Variants in ARHGAP31 observed in about 807,000 individuals in gnomAD.
ARHGAP31 encodes rho GTPase-activating protein 31.
A neutral mutation model predicts 113.9 loss-of-function variants in ARHGAP31; 34 were observed. The observed-to-expected ratio is 0.30, with a 90% CI of 0.23 to 0.40. ARHGAP31 has a LOEUF of 0.40. Among genes scored for constraint, ARHGAP31 ranks in the 10% least tolerant of loss-of-function variants. ARHGAP31 has a pLI of 1.00. For synonymous variants in ARHGAP31, 650 were observed against 684.8 expected (o/e 0.95, Z 0.79); for missense variants, 1,548 against 1,767.1 (o/e 0.88, Z 2.22).
intron 1 of ARHGAP31, among the ~76,000 whole-genome samples, chr3:119,351,161 G>A (rs2080106852): frequency 6.6e-6 from 1 of 152,208 alleles, no homozygotes; most frequent in African/African-American, 2.4e-5. Flanking sequence ...CCTACTGCCT[G>A]GAAGATACCT....
At position 119,294,763 on chromosome 3, in the gene ARHGAP31, C is replaced by A; in HGVS notation, c.-142C>A. The A allele has an allele frequency of 1.3e-6, 1 of 797,604 alleles. No individual in the cohort carries two copies. The highest frequency in any genetic ancestry group is 2.1e-6 in the Non-Finnish European group (1 of 470,758). The allele number at this position is 797,604 out of a possible 1,614,324, so 49.4% of individuals were successfully genotyped here. ...GGCCCGCGGGGTCCATGCGCAGGGCCCCCAGCCCAAGTTCTTCCATCTTCC... is the reference window on the plus strand; with the variant it reads ...GGCCCGCGGGGTCCATGCGCAGGGCACCCAGCCCAAGTTCTTCCATCTTCC... On this transcript the variant is annotated 5_prime_UTR_variant, in exon 1 of 12. Coordinates refer to ENST00000264245, the MANE Select transcript of ARHGAP31 (RefSeq NM_020754.4).
At chr3:119,353,027 C>T (rs914112408) in intron 1 of ARHGAP31, among the ~76,000 whole-genome samples, 6 of 152,174 alleles carry the variant, frequency 3.9e-5, no homozygotes, top group African/African-American at 1.2e-4. Context: ...CTTAGATGAG[C>T]GGTCTGCATG....
chr3:119,297,051 G>C (rs1332958410), intron 1 of ARHGAP31, among the ~76,000 whole-genome samples: 1 of 152,208 alleles, frequency 6.6e-6, no homozygotes. Context: ...GTTCAGCTTT[G>C]AAAGGAAACG....
At chr3:119,359,692 G>C (rs1225310091) in intron 1 of ARHGAP31, among the ~76,000 whole-genome samples, 1 of 152,074 alleles carries the variant, frequency 6.6e-6, no homozygotes, top group Non-Finnish European at 1.5e-5. Flanking sequence ...GGATGGGACA[G>C]GAACAAAGAA....
intron 1 of ARHGAP31, among the ~76,000 whole-genome samples, chr3:119,319,784 G>T (rs1200840176): frequency 6.6e-6 from 1 of 152,204 alleles, no homozygotes; most frequent in Non-Finnish European, 1.5e-5. Context: ...AGTTGTTAGA[G>T]GAAGGCTGTG....
At position 119,313,701 on chromosome 3, in the gene ARHGAP31, A is replaced by G. The variant is rs142410355; in HGVS notation, c.100+18697A>G. On this transcript the variant is annotated intron_variant, in intron 1 of 11. Transcript: ENST00000264245. ...GAAGCTGTCTGGCCCACAAACTGGT[A>G]TATCCATGCATCTTGGTCACAGTGG... is the stretch of plus-strand genomic sequence containing the variant. Among the ~76,000 whole-genome samples, 300 of 152,340 alleles carry G rather than the reference A, an allele frequency of 2.0e-3. 1 individual carries two copies. The highest frequency in any genetic ancestry group is 6.7e-3 in the African/African-American group (279 of 41,586).
chr3:119,313,576 A>G (rs981812023), intron 1 of ARHGAP31, among the ~76,000 whole-genome samples: 1 of 152,198 alleles, frequency 6.6e-6, no homozygotes, highest in African/African-American at 2.4e-5. Context: ...GTTTTCCAGT[A>G]TTCGTGAGGG....
intron 1 of ARHGAP31, among the ~76,000 whole-genome samples, chr3:119,325,830 G>A (rs1440170225): frequency 6.6e-6 from 1 of 152,168 alleles, no homozygotes; most frequent in Non-Finnish European, 1.5e-5. Flanking sequence ...TTTTTTTGAT[G>A]CCTAGCTGTC....
intron 1 of ARHGAP31, among the ~76,000 whole-genome samples, chr3:119,347,453 G>A (rs2080069831): frequency 6.6e-6 from 1 of 152,208 alleles, no homozygotes; most frequent in African/African-American, 2.4e-5. Flanking sequence ...ATCAGGGAAG[G>A]CTTCCCAGAG....
chr3:119,406,856 C>T (rs143219752), intron 10 of ARHGAP31, among the ~76,000 whole-genome samples: 1,884 of 152,292 alleles, frequency 0.012, 19 homozygotes, highest in Non-Finnish European at 0.016. Flanking sequence ...CATAGTGCTT[C>T]TTAGGGTTAC....
chr3:119,318,170 T>A (rs2079750869), intron 1 of ARHGAP31, among the ~76,000 whole-genome samples: 1 of 152,002 alleles, frequency 6.6e-6, no homozygotes, highest in Admixed American at 6.5e-5. Context: ...CTCAAGAGGC[T>A]GAAGTGGGAG....
intron 4 of ARHGAP31, 132 bp downstream of exon 4, chr3:119,381,118 G>A: frequency 1.2e-6 from 1 of 863,182 alleles, no homozygotes; most frequent in South Asian, 1.4e-5. Flanking sequence ...GCATTTTGAA[G>A]TTGGTGAACA....
At chr3:119,385,232 GT>G (rs113712219) in intron 6 of ARHGAP31, among the ~76,000 whole-genome samples, 8 of 149,192 alleles carry the variant, frequency 5.4e-5, no homozygotes, top group African/African-American at 9.8e-5. Context: ...CTAGCTGACT[GT>G]TTTTTTTTTC....
intron 1 of ARHGAP31, among the ~76,000 whole-genome samples, chr3:119,363,416 G>C (rs562883108): frequency 6.6e-6 from 1 of 152,028 alleles, no homozygotes; most frequent in African/African-American, 2.4e-5. Context: ...CTACTCCCAC[G>C]CTGTGCTCAC....
Position 119,378,448 on chromosome 3 carries a change from C to T in ARHGAP31, c.349-2456C>T, listed in dbSNP as rs150520826. 4.8e-3 allele frequency among the ~76,000 whole-genome samples: 736 copies of T among 152,248 alleles called. 6 individuals are homozygous for T. Among genetic ancestry groups the T allele is most frequent in the African/African-American group, 0.017 (721 of 41,538 alleles). On this transcript the variant is annotated intron_variant, in intron 3 of 11. Transcript: ENST00000264245. ...TGAGCCTGCCCCGCCTCTTGGAGAA[C>T]AAAGATGACTAACAGCTTCCTAAAA...
intron 3 of ARHGAP31, among the ~76,000 whole-genome samples, chr3:119,377,073 G>T (rs1305966906): frequency 6.6e-6 from 1 of 152,188 alleles, no homozygotes; most frequent in African/African-American, 2.4e-5. Flanking sequence ...AAATGTGGCT[G>T]TTTAGCTTTT....
chr3:119,364,353 T>A (rs1421344617), intron 1 of ARHGAP31, among the ~76,000 whole-genome samples: 11 of 152,250 alleles, frequency 7.2e-5, no homozygotes, highest in Non-Finnish European at 1.5e-5. Context: ...CGAATTTTTT[T>A]AAATCTAAAC....
rs531391744 is a variant in ARHGAP31 at position 119,337,285 on chromosome 3, A to G, written c.101-28031A>G. On this transcript the variant is annotated intron_variant, in intron 1 of 11. Coordinates refer to ENST00000264245, the MANE Select transcript of ARHGAP31 (RefSeq NM_020754.4). ...ATGGTCTTACAGACGTCAGGAGTGA[A>G]GCTGCAGACCTTTGCGTTGAGTGTT... Among the ~76,000 whole-genome samples the G allele has an allele frequency of 1.6e-4, 24 of 152,248 alleles. No homozygotes were observed. In the South Asian group the frequency reaches 2.9e-3, roughly 18 times the overall value.
intron 2 of ARHGAP31, among the ~76,000 whole-genome samples, chr3:119,367,714 C>CG (rs1315108617): frequency 6.6e-6 from 1 of 151,872 alleles, no homozygotes; most frequent in Admixed American, 6.6e-5. Flanking sequence ...AAAAATTAGC[C>CG]GGGTATGGTG....
Sources: gnomAD v4.1 joint callset for allele counts (sites outside exome capture counted in the v4.1 genomes callset) on GRCh38, gnomAD v4.1.1 for gene constraint, MANE v1.5 for transcripts, NCBI Gene and HGNC (gene_info 2026-07-23, HGNC 2026-07-21) for gene names.